DCAF6: variants seen among roughly 807,000 people sequenced by gnomAD.
The protein encoded by DCAF6 is DDB1 and CUL4 associated factor 6.
DCAF6 carries 54 observed loss-of-function variants against 125.1 expected under a neutral mutation model. That is an observed-to-expected ratio of 0.43 (90% CI 0.35 to 0.54). The LOEUF is 0.54. Among genes scored for constraint, DCAF6 ranks in the 20% least tolerant of loss-of-function variants. The pLI, the probability that DCAF6 is intolerant of heterozygous loss-of-function variation, is 0.01. For synonymous variants in DCAF6, 371 were observed against 390.4 expected (o/e 0.95, Z 0.58); for missense variants, 934 against 1,161.7 (o/e 0.80, Z 2.85).
intron 7 of DCAF6, among the ~76,000 whole-genome samples, chr1:167,997,551 C>G (rs1681914239): frequency 6.6e-6 from 1 of 151,628 alleles, no homozygotes; most frequent in Non-Finnish European, 1.5e-5. Flanking sequence ...AGATTTTTTT[C>G]TATTCATGTT....
At chr1:167,888,434 C>T in the DCAF6 span, among the ~76,000 whole-genome samples, 1 of 151,830 alleles carries the variant, frequency 6.6e-6, no homozygotes, top group Non-Finnish European at 1.5e-5. Flanking sequence ...GCCTCTTCAA[C>T]TTCTTGTGTC....
chr1:168,051,334 A>G (rs538000016), intron 17 of DCAF6, among the ~76,000 whole-genome samples: 2 of 152,230 alleles, frequency 1.3e-5, no homozygotes, highest in East Asian at 1.9e-4. Context: ...CTTGAGCTCA[A>G]TAACTAAAAA....
the DCAF6 span, among the ~76,000 whole-genome samples, chr1:167,929,750 A>C: frequency 2.0e-5 from 3 of 152,218 alleles, no homozygotes; most frequent in Non-Finnish European, 4.4e-5. Context: ...GGAACAGAAT[A>C]GGTAATTTTT....
intron 16 of DCAF6, among the ~76,000 whole-genome samples, chr1:168,049,946 C>T (rs959313908): frequency 2.0e-5 from 3 of 151,244 alleles, no homozygotes; most frequent in Non-Finnish European, 4.4e-5. Flanking sequence ...TGAGCCACCG[C>T]ACCCAGGCTG....
the DCAF6 span, among the ~76,000 whole-genome samples, chr1:167,925,546 G>GTTTTTTTTTTTTT: frequency 7.9e-5 from 8 of 101,830 alleles, no homozygotes; most frequent in African/African-American, 2.9e-4. Flanking sequence ...TTTTTTTTTG[G>GTTTTTTTTTTTTT]TTTTTTTTGT....
intron 3 of DCAF6, among the ~76,000 whole-genome samples, chr1:167,969,934 G>A (rs1019670349): frequency 6.6e-6 from 1 of 152,052 alleles, no homozygotes; most frequent in African/African-American, 2.4e-5. Context: ...GTGCCACCAC[G>A]CCCGGCTAGT....
At chr1:167,954,699 G>T (rs1249032505) in intron 2 of DCAF6, among the ~76,000 whole-genome samples, 1 of 151,108 alleles carries the variant, frequency 6.6e-6, no homozygotes, top group Non-Finnish European at 1.5e-5. Context: ...TGATCCGCCC[G>T]CCTCTGCCTC....
At chr1:168,062,377 A>G (rs1691706709) in intron 17 of DCAF6, among the ~76,000 whole-genome samples, 2 of 152,108 alleles carry the variant, frequency 1.3e-5, no homozygotes, top group South Asian at 2.1e-4. Context: ...TAGGATTTTC[A>G]ACTTTCCCGT....
At chr1:167,885,191 G>T in the DCAF6 span, among the ~76,000 whole-genome samples, 2 of 152,112 alleles carry the variant, frequency 1.3e-5, no homozygotes, top group Non-Finnish European at 2.9e-5. Flanking sequence ...TTTCTCTGTT[G>T]ATGGACACTT....
chr1:167,933,280 G>A (rs991557175), upstream of DCAF6, among the ~76,000 whole-genome samples: 8 of 148,708 alleles, frequency 5.4e-5, no homozygotes, highest in African/African-American at 1.2e-4. Flanking sequence ...TGATTCTCCC[G>A]CCTCAGCCTC....
At chr1:167,878,461 C>T in the DCAF6 span, 1 of 1,613,948 alleles carries the variant, frequency 6.2e-7, no homozygotes, top group Non-Finnish European at 8.5e-7. Context: ...CTCAGTACGG[C>T]CCCAATACTG....
chr1:167,955,501 C>G (rs1400475234), intron 2 of DCAF6, among the ~76,000 whole-genome samples: 2 of 151,176 alleles, frequency 1.3e-5, no homozygotes, highest in Non-Finnish European at 2.9e-5. Context: ...GTTGTGGTTA[C>G]ATTTCCTGCC....
chr1:168,062,824 C>A (rs547121778), intron 17 of DCAF6, among the ~76,000 whole-genome samples: 59 of 151,946 alleles, frequency 3.9e-4, no homozygotes, highest in African/African-American at 1.4e-3. Context: ...AGAGTAAAAT[C>A]TGCTTCATTA....
intron 12 of DCAF6, among the ~76,000 whole-genome samples, chr1:168,024,719 G>A (rs780138103): frequency 7.3e-5 from 11 of 151,160 alleles, no homozygotes; most frequent in Non-Finnish European, 1.5e-4. Flanking sequence ...GAGGAGAATC[G>A]CTTGAACCTG....
At chr1:167,889,372 A>G in the DCAF6 span, among the ~76,000 whole-genome samples, 1 of 151,782 alleles carries the variant, frequency 6.6e-6, no homozygotes, top group Non-Finnish European at 1.5e-5. Context: ...AAGACATATC[A>G]CAGTGTTTGA....
In DCAF6 at chr1:167,953,332, A is replaced by G. The variant is rs1246169190; in HGVS notation, c.159+1471A>G. On this transcript the variant is annotated intron_variant, in intron 2 of 21. Coordinates refer to ENST00000367840, the MANE Select transcript of DCAF6 (RefSeq NM_001198956.2). Reference sequence around the variant, plus strand: ...AAAGCAGCATTCCCTGAACACCCTAATTAAACAGCATGCCACGCCTGGTCA... The same window carrying G: ...AAAGCAGCATTCCCTGAACACCCTAGTTAAACAGCATGCCACGCCTGGTCA... Among the ~76,000 whole-genome samples the G allele has an allele frequency of 2.0e-5, 3 of 152,106 alleles. No homozygotes were observed. In the East Asian group the frequency reaches 5.8e-4, roughly 29 times the overall value.
the DCAF6 span, chr1:167,899,594 A>G: frequency 6.2e-7 from 1 of 1,614,174 alleles, no homozygotes. Flanking sequence ...TTTCATCTCC[A>G]AAGACCAACA....
chr1:167,924,879 T>C, the DCAF6 span, among the ~76,000 whole-genome samples: 2 of 152,170 alleles, frequency 1.3e-5, no homozygotes, highest in East Asian at 1.9e-4. Flanking sequence ...TCATCCCAAA[T>C]GAAAATGAAC....
At chr1:168,039,678 ATAT>A (rs1688259465) in intron 13 of DCAF6, among the ~76,000 whole-genome samples, 1 of 147,428 alleles carries the variant, frequency 6.8e-6, no homozygotes, top group African/African-American at 2.5e-5. Flanking sequence ...ATATATTAAT[ATAT>A]TAATATATTA....
Sources: gnomAD v4.1 joint callset for allele counts (sites outside exome capture counted in the v4.1 genomes callset) on GRCh38, gnomAD v4.1.1 for gene constraint, MANE v1.5 for transcripts, NCBI Gene and HGNC (gene_info 2026-07-23, HGNC 2026-07-21) for gene names.